KAZN: variants seen among roughly 807,000 people sequenced by gnomAD.
KAZN encodes the protein kazrin, periplakin interacting protein.
KAZN carries 40 observed loss-of-function variants against 87.4 expected under a neutral mutation model. That is an observed-to-expected ratio of 0.46 (90% CI 0.36 to 0.60). The LOEUF (loss-of-function observed/expected upper bound fraction) is 0.60. KAZN is among the 20% of genes least tolerant of loss of function. The pLI, the probability that KAZN is intolerant of heterozygous loss-of-function variation, is 0.00. For synonymous variants in KAZN, 466 were observed against 458.3 expected, an observed-to-expected ratio of 1.02 and a Z score of -0.22; for missense variants, 898 against 1,073.9, an observed-to-expected ratio of 0.84 and a Z score of 2.29.
rs543913342 is a variant in KAZN, at chr1:14,737,740, C to T, written c.226+138517C>T. Among the ~76,000 whole-genome samples the T allele has an allele frequency of 2.0e-5, 3 of 152,140 alleles. No homozygotes were observed. The East Asian group carries it at 5.8e-4, about 29-fold the overall frequency. On this transcript the variant is annotated intron_variant, in intron 1 of 14. Transcript: ENST00000376030. ...ATTGATGGAAATCTGTTCTTTGCAG[C>T]TGTAAGACTGAGGCCACTGTTCTCT... is the stretch of plus-strand genomic sequence containing the variant.
chr1:14,323,373 T>C (rs1395739887), intron 2 of KAZN, among the ~76,000 whole-genome samples: 1 of 152,100 alleles, frequency 6.6e-6, no homozygotes, highest in African/African-American at 2.4e-5. Context: ...AATAACTACA[T>C]AGGCTAATGT....
At chr1:14,479,669 A>G (rs1461581011) in intron 2 of KAZN, among the ~76,000 whole-genome samples, 4 of 151,902 alleles carry the variant, frequency 2.6e-5, no homozygotes, top group Non-Finnish European at 5.9e-5. Context: ...CATCGCTCCT[A>G]TTGTACTTTT....
intron 1 of KAZN, among the ~76,000 whole-genome samples, chr1:14,126,353 T>G (rs1371318237): frequency 2.9e-5 from 1 of 34,158 alleles, no homozygotes; most frequent in Non-Finnish European, 5.3e-5. Flanking sequence ...AGCTCTCCCC[T>G]CCCCCCCCCC....
At chr1:14,273,030 C>G (rs992512937) in intron 2 of KAZN, among the ~76,000 whole-genome samples, 1 of 152,014 alleles carries the variant, frequency 6.6e-6, no homozygotes, top group Admixed American at 6.6e-5. Context: ...AGAGAGGAAA[C>G]GACTTGCCCA....
chr1:14,789,884 C>T (rs572676496), intron 1 of KAZN, among the ~76,000 whole-genome samples: 9 of 151,414 alleles, frequency 5.9e-5, no homozygotes, highest in Admixed American at 1.3e-4. Flanking sequence ...GCTCCAGGCA[C>T]GGAGTAGATG....
At chr1:14,219,131 A>G (rs1369572405) in intron 2 of KAZN, among the ~76,000 whole-genome samples, 1 of 152,138 alleles carries the variant, frequency 6.6e-6, no homozygotes, top group Non-Finnish European at 1.5e-5. Flanking sequence ...ATGTGGAGAG[A>G]CCAAAGGGTA....
chr1:13,945,211 C>T (rs1181251880), intron 1 of KAZN, among the ~76,000 whole-genome samples: 4 of 152,110 alleles, frequency 2.6e-5, no homozygotes, highest in Non-Finnish European at 4.4e-5. Context: ...TGGTGGCTCA[C>T]ACCTATAATA....
At chr1:14,667,530 G>A (rs562236233) in intron 1 of KAZN, among the ~76,000 whole-genome samples, 4 of 152,200 alleles carry the variant, frequency 2.6e-5, no homozygotes, top group African/African-American at 4.8e-5. Flanking sequence ...ATTAATCCAC[G>A]ACACAGGAAC....
intron 2 of KAZN, 113 bp downstream of exon 2, chr1:14,960,988 C>T: frequency 8.8e-7 from 1 of 1,130,556 alleles, no homozygotes; most frequent in Non-Finnish European, 1.2e-6. Context: ...TCCCAGCACC[C>T]ACCTCCAGCT....
Position 15,056,701 on chromosome 1 carries a change from G to A in KAZN, c.916+421G>A, listed in dbSNP as rs532294462. On this transcript the variant is annotated intron_variant, in intron 5 of 14. Coordinates refer to ENST00000376030, the MANE Select transcript of KAZN (RefSeq NM_201628.3). This position sits in a 1 kb window ranked among gnomAD's most constrained non-coding sequence, Gnocchi z 5.4. Reference sequence around the variant, plus strand: ...TGATTGGCCACATCAGAGTCACATGGGCATCCTTTGGCAGGGGAGGCAGCA... The same window carrying A: ...TGATTGGCCACATCAGAGTCACATGAGCATCCTTTGGCAGGGGAGGCAGCA... Among the ~76,000 whole-genome samples, 3 of 152,280 alleles carry A rather than the reference G, an allele frequency of 2.0e-5. No homozygotes were observed. Among genetic ancestry groups the A allele is most frequent in the African/African-American group, 7.2e-5 (3 of 41,554 alleles).
intron 1 of KAZN, among the ~76,000 whole-genome samples, chr1:14,943,385 C>T (rs189246882): frequency 3.3e-5 from 5 of 152,186 alleles, no homozygotes; most frequent in East Asian, 1.9e-4. Context: ...GAGCCTACTC[C>T]GGAGACCTCT....
In KAZN at chr1:14,078,630, G is replaced by A. The variant is rs147128048; in HGVS notation, c.92-101805G>A. ...GCCAGCTTCCTGGTTCATAGACGGC[G>A]CCTTCTCACTGTGTCCTCACAGGAT... On this transcript the variant is annotated intron_variant, in intron 1 of 16. Coordinates refer to the KAZN transcript ENST00000636203. 5.3e-3 allele frequency among the ~76,000 whole-genome samples: 802 copies of A among 152,266 alleles called. 13 individuals are homozygous for A. The highest frequency in any genetic ancestry group is 0.018 in the African/African-American group (763 of 41,550).
At chr1:14,731,538 G>A (rs568412730) in intron 1 of KAZN, among the ~76,000 whole-genome samples, 6 of 152,262 alleles carry the variant, frequency 3.9e-5, no homozygotes, top group South Asian at 4.1e-4. Context: ...CTTCTGGGTC[G>A]GCACTGAGCC....
At chr1:14,525,321 A>G (rs77080357) in intron 2 of KAZN, among the ~76,000 whole-genome samples, 4,822 of 152,200 alleles carry the variant, frequency 0.032, 183 homozygotes, top group East Asian at 0.15. Flanking sequence ...CTTTTTTATC[A>G]TGTAGAACAT....
intron 8 of KAZN, among the ~76,000 whole-genome samples, chr1:15,072,954 A>G (rs915437425): frequency 3.9e-5 from 6 of 152,194 alleles, no homozygotes; most frequent in African/African-American, 1.4e-4. Context: ...TCCTTAATCC[A>G]GAAGAGGAAG....
chr1:14,358,355 C>CTT, intron 2 of KAZN, among the ~76,000 whole-genome samples: 1 of 135,208 alleles, frequency 7.4e-6, no homozygotes, highest in African/African-American at 2.6e-5. Flanking sequence ...TTTTGTAAAT[C>CTT]TTTTAAAAAA....
At chr1:14,380,066 C>T (rs571432896) in intron 2 of KAZN, among the ~76,000 whole-genome samples, 108 of 152,346 alleles carry the variant, frequency 7.1e-4, no homozygotes, top group African/African-American at 2.4e-3. Context: ...TGGAAAAGAA[C>T]AAGAGTCTGC....
chr1:14,729,411 C>T (rs1158523724), intron 1 of KAZN, among the ~76,000 whole-genome samples: 1 of 152,212 alleles, frequency 6.6e-6, no homozygotes, highest in Non-Finnish European at 1.5e-5. Context: ...GCTTTCTTCC[C>T]TCCCACACTA....
intron 2 of KAZN, among the ~76,000 whole-genome samples, chr1:14,458,006 T>C (rs1667663170): frequency 6.6e-6 from 1 of 152,050 alleles, no homozygotes; most frequent in South Asian, 2.1e-4. Flanking sequence ...GTGTTTTTAG[T>C]AGAGTTATGG....
Sources: gnomAD v4.1 joint callset for allele counts (sites outside exome capture counted in the v4.1 genomes callset) on GRCh38, gnomAD v4.1.1 for gene constraint, Gnocchi (gnomAD v3.1) non-coding constraint, MANE v1.5 for transcripts, NCBI Gene and HGNC (gene_info 2026-07-23, HGNC 2026-07-21) for gene names.